The following LDB2 variants were observed in gnomAD, a reference collection of about 807,000 sequenced individuals.
LDB2 encodes LIM domain-binding protein 2.
LDB2 carries 12 observed loss-of-function variants against 44.3 expected under a neutral mutation model. The observed-to-expected ratio is 0.27, with a 90% confidence interval of 0.17 to 0.44. The LOEUF is 0.44. Ranked by LOEUF, LDB2 falls within the 20% of genes least tolerant of loss-of-function variation. LDB2 has a pLI of 1.00. For missense variants in LDB2, 344 were observed against 473.5 expected (o/e 0.73, Z 2.54); for synonymous variants, 164 against 174.8 (o/e 0.94, Z 0.49).
intron 5 of LDB2, among the ~76,000 whole-genome samples, chr4:16,573,523 AT>A (rs1747332124): frequency 6.6e-6 from 1 of 152,182 alleles, no homozygotes; most frequent in African/African-American, 2.4e-5. Context: ...TAAAGTTCTT[AT>A]TCTCATTTTC....
At chr4:16,647,041 A>G (rs564867874) in intron 2 of LDB2, among the ~76,000 whole-genome samples, 1 of 152,324 alleles carries the variant, frequency 6.6e-6, no homozygotes. Context: ...CATATAGCCA[A>G]AAAATGGAAA....
At chr4:16,738,392 G>C (rs935513796) in intron 2 of LDB2, among the ~76,000 whole-genome samples, 1 of 152,158 alleles carries the variant, frequency 6.6e-6, no homozygotes, top group Non-Finnish European at 1.5e-5. Flanking sequence ...AACAGGAAGA[G>C]GAGGAGGAGG....
chr4:16,664,624 T>C (rs1742504973), intron 2 of LDB2, among the ~76,000 whole-genome samples: 1 of 152,364 alleles, frequency 6.6e-6, no homozygotes, highest in Non-Finnish European at 1.5e-5. Flanking sequence ...AATAGCTTCA[T>C]TACTTTTGTA....
intron 5 of LDB2, among the ~76,000 whole-genome samples, chr4:16,520,856 C>T (rs183838159): frequency 6.6e-6 from 1 of 152,288 alleles, no homozygotes; most frequent in East Asian, 1.9e-4. Flanking sequence ...CCGTTAGGCC[C>T]ATGAAGAGAC....
chr4:16,628,296 C>G (rs1188552497), intron 2 of LDB2, among the ~76,000 whole-genome samples: 1 of 152,158 alleles, frequency 6.6e-6, no homozygotes. Context: ...AAATAGCATT[C>G]TTTCATCTCA....
chr4:16,528,000 AAT>A (rs3034104), intron 5 of LDB2, among the ~76,000 whole-genome samples: 62,641 of 150,618 alleles, frequency 0.42, 13,116 homozygotes, highest in Middle Eastern at 0.49. Flanking sequence ...ATATACATGT[AAT>A]ATATATATAT....
At chr4:16,797,797 G>A (rs1777027465) in intron 1 of LDB2, among the ~76,000 whole-genome samples, 1 of 151,896 alleles carries the variant, frequency 6.6e-6, no homozygotes, top group Non-Finnish European at 1.5e-5. Context: ...AGCATTTTAG[G>A]AGGCCGAGGT....
intron 2 of LDB2, among the ~76,000 whole-genome samples, chr4:16,707,056 T>A (rs1020925316): frequency 1.3e-5 from 2 of 152,212 alleles, no homozygotes; most frequent in African/African-American, 2.4e-5. Flanking sequence ...ATATTCATCA[T>A]TTTAATTCCT....
intron 1 of LDB2, among the ~76,000 whole-genome samples, chr4:16,761,944 G>A (rs1768015872): frequency 6.6e-6 from 1 of 152,106 alleles, no homozygotes; most frequent in South Asian, 2.1e-4. Context: ...AGGAGTTCGA[G>A]ACCAGCCTGA....
At chr4:16,814,481 G>A (rs886356167) in intron 1 of LDB2, among the ~76,000 whole-genome samples, 13 of 152,092 alleles carry the variant, frequency 8.5e-5, no homozygotes, top group Admixed American at 1.3e-4. Context: ...CTATCTGCTC[G>A]TTCCCAACTC....
At chr4:16,766,468 A>ATGTGTGTG (rs1218763626) in intron 1 of LDB2, among the ~76,000 whole-genome samples, 1,752 of 41,148 alleles carry the variant, frequency 0.043, 36 homozygotes, top group Admixed American at 0.074. Flanking sequence ...ACACACATAT[A>ATGTGTGTG]TGTGTGTGTG....
At chr4:16,735,959 T>C (rs556485068) in intron 2 of LDB2, among the ~76,000 whole-genome samples, 10 of 152,096 alleles carry the variant, frequency 6.6e-5, no homozygotes, top group Non-Finnish European at 1.2e-4. Context: ...GTTTAATTAA[T>C]TAAAAAGAGA....
At chr4:16,788,582 G>A (rs1041019020) in intron 1 of LDB2, among the ~76,000 whole-genome samples, 7 of 152,192 alleles carry the variant, frequency 4.6e-5, no homozygotes, top group African/African-American at 1.7e-4. Context: ...AACCCCTATG[G>A]GGATGCCCTG....
chr4:16,803,855 T>G (rs899704332), intron 1 of LDB2, among the ~76,000 whole-genome samples: 45 of 152,252 alleles, frequency 3.0e-4, no homozygotes, highest in Non-Finnish European at 6.3e-4. Flanking sequence ...ATGCTTATTG[T>G]TGTTATTTTA....
At chr4:16,807,639 C>T (rs745996294) in intron 1 of LDB2, among the ~76,000 whole-genome samples, 1 of 152,194 alleles carries the variant, frequency 6.6e-6, no homozygotes, top group Non-Finnish European at 1.5e-5. Context: ...GCAGAAAACC[C>T]ACCAGATCTT....
At chr4:16,654,025 C>G (rs1739040707) in intron 2 of LDB2, among the ~76,000 whole-genome samples, 1 of 152,134 alleles carries the variant, frequency 6.6e-6, no homozygotes, top group Non-Finnish European at 1.5e-5. Context: ...TTAGGCATTC[C>G]AAAGGTGTTC....
rs545632973 is a variant in LDB2, at chr4:16,825,901, AGTTT to A, written c.133-66645_133-66642del. 2.3e-3 allele frequency among the ~76,000 whole-genome samples: 345 copies of A among 152,214 alleles called. 1 individual carries two copies. Among genetic ancestry groups the A allele is most frequent in the Non-Finnish European group, 4.0e-3 (271 of 67,998 alleles). On this transcript the variant is annotated intron_variant, in intron 1 of 7. Coordinates refer to ENST00000304523, the MANE Select transcript of LDB2 (RefSeq NM_001290.5). ...TAATACAATTAAAGCACCAAAATAT[AGTTT>A]ATTTATAAATCACCTATGAAACTAA...
chr4:16,776,560 A>C (rs1214464588), intron 1 of LDB2, among the ~76,000 whole-genome samples: 1 of 152,220 alleles, frequency 6.6e-6, no homozygotes, highest in East Asian at 1.9e-4. Flanking sequence ...TCATTCGTGC[A>C]TTCAGAAATA....
Position 16,615,154 on chromosome 4 carries a change from T to A in LDB2, c.236-19279A>T, listed in dbSNP as rs375981316. ...AATAGGAACGATTTTACACTGTTAG[T>A]GGGAGCGTAAATTAGTTCAACCATT... On this transcript the variant is annotated intron_variant, in intron 2 of 7. Coordinates refer to ENST00000304523, the MANE Select transcript of LDB2 (RefSeq NM_001290.5). Among the ~76,000 whole-genome samples, 6 of 151,230 alleles carry A rather than the reference T, an allele frequency of 4.0e-5. No homozygotes were observed. In the East Asian group the frequency reaches 1.2e-3, roughly 29 times the overall value.
Sources: allele counts gnomAD v4.1 joint callset (sites outside exome capture counted in the v4.1 genomes callset), GRCh38; gene constraint gnomAD v4.1.1; transcripts MANE v1.5; gene names NCBI Gene and HGNC (gene_info 2026-07-23, HGNC 2026-07-21).